The following KNTC1 variants were observed in gnomAD, a reference collection of about 807,000 sequenced individuals.
KNTC1 encodes the protein kinetochore associated 1.
KNTC1 carries 253 observed loss-of-function variants against 314.4 expected under a neutral mutation model. That is an observed-to-expected ratio of 0.80 (90% CI 0.73 to 0.89). KNTC1 has a LOEUF of 0.89. KNTC1 is among the 40% of genes least tolerant of loss of function. The probability of loss-of-function intolerance (pLI) is 0.00; values close to 1 mark genes in which losing one functional copy is unlikely to be tolerated. For missense variants in KNTC1, 2,475 were observed against 2,572.9 expected (o/e 0.96, Z 0.82); for synonymous variants, 901 against 901.4 (o/e 1.00, Z 0.01).
chr12:122,618,034 C>T (rs191701348), intron 57 of KNTC1, among the ~76,000 whole-genome samples: 10 of 152,230 alleles, frequency 6.6e-5, no homozygotes, highest in East Asian at 1.9e-4. Flanking sequence ...GATGGAGTTT[C>T]GCTCTGTCAC....
intron 5 of KNTC1, among the ~76,000 whole-genome samples, chr12:122,541,097 C>T (rs80123043): frequency 4.7e-4 from 72 of 152,074 alleles, no homozygotes; most frequent in African/African-American, 1.7e-3. Flanking sequence ...CTTGGGCCTG[C>T]AGTGAGCTGC....
chr12:122,528,050 A>AT (rs1318921737), intron 1 of KNTC1, among the ~76,000 whole-genome samples: 10 of 152,156 alleles, frequency 6.6e-5, no homozygotes, highest in Non-Finnish European at 1.5e-4. Context: ...CATAAACTTC[A>AT]TAATGGCAAA....
At chr12:122,589,261 A>G (rs929729752) in intron 40 of KNTC1, among the ~76,000 whole-genome samples, 3 of 151,856 alleles carry the variant, frequency 2.0e-5, no homozygotes, top group African/African-American at 7.2e-5. Context: ...AAGCATTCCA[A>G]TGATCCTTTC....
At position 122,590,634 on chromosome 12, in the gene KNTC1, G is replaced by T. The variant is rs751404560; in HGVS notation, c.4027G>T (p.Asp1343Tyr). Residue 1343 changes from aspartate (D) to tyrosine (Y), a missense_variant, in exon 41 of 64, where the codon GAC (aspartate) becomes TAC (tyrosine). Coordinates refer to ENST00000333479, the MANE Select transcript of KNTC1 (RefSeq NM_014708.6). ...ATTTAATTGTCGCTTGGTAGATCTTGACCTGGCGTTGGGTTACTGCACTCT... is the reference window on the plus strand; with the variant it reads ...ATTTAATTGTCGCTTGGTAGATCTTTACCTGGCGTTGGGTTACTGCACTCT... ...KVFNCRLVDL[D>Y]LALGYCTLLP... 6.2e-6 allele frequency: 10 copies of T among 1,613,148 alleles called. No homozygotes were observed. Among genetic ancestry groups the T allele is most frequent in the Middle Eastern group, 1.6e-4 (1 of 6,082 alleles).
At chr12:122,570,191 G>T (rs1332239044) in intron 22 of KNTC1, among the ~76,000 whole-genome samples, 3 of 152,162 alleles carry the variant, frequency 2.0e-5, no homozygotes, top group Non-Finnish European at 1.5e-5. Flanking sequence ...TGGGTGAGAG[G>T]TGGGGATGGT....
intron 42 of KNTC1, 153 bp from the exon 43 acceptor site, chr12:122,594,123 G>A: frequency 1.7e-6 from 1 of 589,608 alleles, no homozygotes; most frequent in Non-Finnish European, 3.0e-6. Flanking sequence ...TCAGAATGAT[G>A]GCTGGGTTGG....
In KNTC1 at chr12:122,622,548, G is replaced by A; in HGVS notation, c.6456G>A (p.Met2152Ile). The A allele has an allele frequency of 6.4e-7, 1 of 1,574,722 alleles. No individual in the cohort carries two copies. Among genetic ancestry groups the A allele is most frequent in the African/African-American group, 1.3e-5 (1 of 74,272 alleles). ...AKTKYFQMLK[M>I]HAMNTNNITE... ...CCAAATACTTTCAAATGTTGAAGAT[G>A]CATGCGATGAATACCAACAATATCA... The change falls in exon 62 of 64, where the codon ATG becomes ATA. Residue 2152 changes from methionine to isoleucine, a missense_variant. Met to Ile is a conservative substitution (Grantham distance 10). Transcript: ENST00000333479.
intron 37 of KNTC1, 62 bp from the exon 38 acceptor site, chr12:122,586,639 A>C (rs1260156160): frequency 5.9e-6 from 4 of 677,154 alleles, no homozygotes; most frequent in Non-Finnish European, 7.0e-6. Context: ...ATAGTGATGA[A>C]GTCTGGGCTT....
chr12:122,592,027 G>C (rs1325575553), intron 42 of KNTC1, among the ~76,000 whole-genome samples: 1 of 152,220 alleles, frequency 6.6e-6, no homozygotes, highest in Non-Finnish European at 1.5e-5. Flanking sequence ...TGTGGAGGGA[G>C]AGGCGCGAGC....
intron 40 of KNTC1, among the ~76,000 whole-genome samples, chr12:122,589,569 C>T (rs1441018237): frequency 2.0e-5 from 3 of 150,556 alleles, no homozygotes; most frequent in African/African-American, 7.3e-5. Flanking sequence ...CTCATGGGCT[C>T]AAGCAACCCT....
At chr12:122,565,780 G>A (rs1428026688) in intron 20 of KNTC1, among the ~76,000 whole-genome samples, 1 of 152,016 alleles carries the variant, frequency 6.6e-6, no homozygotes, top group Non-Finnish European at 1.5e-5. Flanking sequence ...GGCTACTAAG[G>A]AAGCTGAGGT....
chr12:122,549,184 C>G (rs1253407439), intron 12 of KNTC1, among the ~76,000 whole-genome samples: 2 of 151,516 alleles, frequency 1.3e-5, no homozygotes, highest in Non-Finnish European at 2.9e-5. Context: ...TCCCAAGTAG[C>G]TGGGATTACA....
intron 62 of KNTC1, among the ~76,000 whole-genome samples, chr12:122,623,305 G>A (rs1874636639): frequency 1.3e-5 from 2 of 152,282 alleles, no homozygotes; most frequent in Non-Finnish European, 2.9e-5. Flanking sequence ...TAGAGCTGGG[G>A]GTGGATATGG....
At position 122,615,014 on chromosome 12, in the gene KNTC1, G is replaced by C; in HGVS notation, c.5901G>C (p.Leu1967=). The C allele has an allele frequency of 1.2e-6, 2 of 1,613,368 alleles. No homozygotes were observed. The highest frequency in any genetic ancestry group is 1.7e-6 in the Non-Finnish European group (2 of 1,179,608). Residue 1967 remains leucine, a synonymous_variant, in exon 56 of 64, where the codon CTG becomes CTC. Coordinates refer to ENST00000333479, the MANE Select transcript of KNTC1 (RefSeq NM_014708.6). ...AGGCAGTAAGATTGGTGACTGAGCT[G>C]TGTTTAGAATACAAAATCTATGACC... ...ESMAVRLVTE[L]CLEYKIYDLQ... is the part of the protein sequence containing the mutation.
chr12:122,601,999 C>G (rs1165846438), intron 45 of KNTC1: 1 of 153,594 alleles, frequency 6.5e-6, no homozygotes, highest in African/African-American at 2.4e-5. Context: ...TGGGTAGGTC[C>G]AAGACCTACT....
chr12:122,557,504 A>T lies in KNTC1; in HGVS notation c.1393A>T (p.Ile465Phe), dbSNP rs1963679351. ...VDDAKENLHK[I>F]QDDEFVVNYC... is the part of the protein sequence containing the mutation. ...CGACGCTAAGGAAAATCTACATAAG[A>T]TCCAGGTATGTTTTTCTTGTCACAT... The change falls in exon 17 of 64, where the codon ATC (isoleucine) becomes TTC (phenylalanine). Residue 465 changes from isoleucine to phenylalanine, a missense_variant. Ile to Phe is a conservative substitution (Grantham distance 21). Coordinates refer to ENST00000333479, the MANE Select transcript of KNTC1 (RefSeq NM_014708.6). 1 of 1,613,698 alleles carries T rather than the reference A, an allele frequency of 6.2e-7. No individual in the cohort carries two copies. The highest frequency in any genetic ancestry group is 1.1e-5 in the South Asian group (1 of 91,026).
intron 39 of KNTC1, 69 bp downstream of exon 39, chr12:122,587,943 T>G: frequency 7.5e-7 from 1 of 1,327,592 alleles, no homozygotes; most frequent in Non-Finnish European, 1.0e-6. Flanking sequence ...CAGAGGAATT[T>G]GGAGTCCACG....
intron 62 of KNTC1, 37 bp from the exon 63 acceptor site, chr12:122,624,561 C>G (rs777236412): frequency 4.0e-6 from 6 of 1,500,464 alleles, no homozygotes; most frequent in Non-Finnish European, 4.6e-6. Context: ...AGGCACTGTG[C>G]TTGGCCTAAC....
At chr12:122,609,796 C>T (rs1192202545) in intron 52 of KNTC1, among the ~76,000 whole-genome samples, 1 of 152,142 alleles carries the variant, frequency 6.6e-6, no homozygotes, top group Non-Finnish European at 1.5e-5. Flanking sequence ...ATTCTTTTTG[C>T]TCTTCTAACC....
Sources: allele counts gnomAD v4.1 joint callset (sites outside exome capture counted in the v4.1 genomes callset), GRCh38; gene constraint gnomAD v4.1.1; transcripts MANE v1.5; gene names NCBI Gene and HGNC (gene_info 2026-07-23, HGNC 2026-07-21).